The following SLC38A6 variants were observed in gnomAD, a reference collection of about 807,000 sequenced individuals.
SLC38A6 encodes N system amino acid transporter NAT-1.
SLC38A6 carries 73 observed loss-of-function variants against 65.0 expected under a neutral mutation model. The observed-to-expected ratio is 1.12, with a 90% CI of 0.93 to 1.37. The LOEUF is 1.37. Among genes scored for constraint, SLC38A6 ranks in the 40% most tolerant of loss-of-function variants. The pLI, the probability that SLC38A6 is intolerant of heterozygous loss-of-function variation, is 0.00. For missense variants in SLC38A6, 561 were observed against 531.1 expected (o/e 1.06, Z -0.55); for synonymous variants, 183 against 178.8 (o/e 1.02, Z -0.19).
intron 2 of SLC38A6, among the ~76,000 whole-genome samples, chr14:60,984,094 C>G (rs138569290): frequency 3.9e-4 from 60 of 152,294 alleles, no homozygotes; most frequent in African/African-American, 1.4e-3. Flanking sequence ...AGGAAATTAT[C>G]TAAGTTTTTT....
At chr14:60,990,693 C>T (rs925427387) in intron 3 of SLC38A6, among the ~76,000 whole-genome samples, 5 of 151,978 alleles carry the variant, frequency 3.3e-5, no homozygotes, top group South Asian at 2.1e-4. Context: ...AATGTAGTGG[C>T]GTGAACATAG....
intron 1 of SLC38A6, chr14:60,982,108 A>G (rs934542996): frequency 4.4e-6 from 2 of 457,566 alleles, no homozygotes; most frequent in Non-Finnish European, 8.8e-6. Flanking sequence ...AGTCCTAGTA[A>G]TTGAGGAGAA....
chr14:61,065,526 T>A (rs918443369), intron 15 of SLC38A6, among the ~76,000 whole-genome samples: 1 of 152,206 alleles, frequency 6.6e-6, no homozygotes, highest in East Asian at 1.9e-4. Flanking sequence ...CATCTACCTT[T>A]AAGAACTTTA....
At chr14:61,083,443 C>A (rs1938914226) in intron 16 of SLC38A6, 1 of 1,441,848 alleles carries the variant, frequency 6.9e-7, no homozygotes, top group African/African-American at 1.4e-5. Context: ...CCCCAATCCC[C>A]AGGACCTCAG....
intron 6 of SLC38A6, among the ~76,000 whole-genome samples, chr14:61,035,822 T>A (rs573534548): frequency 6.6e-6 from 1 of 152,316 alleles, no homozygotes; most frequent in South Asian, 2.1e-4. Flanking sequence ...TAACTTTAAC[T>A]TTTAAAAATG....
chr14:61,007,392 G>A (rs1339688849), intron 3 of SLC38A6, among the ~76,000 whole-genome samples: 1 of 152,110 alleles, frequency 6.6e-6, no homozygotes, highest in Non-Finnish European at 1.5e-5. Flanking sequence ...CACTTTGTGA[G>A]GCCAAGGTAG....
rs1179808705 is a variant in SLC38A6 at position 61,047,970 on chromosome 14, GATAGATACATACATACATACATAC to G, written c.925+1807_925+1830del. Among the ~76,000 whole-genome samples the G allele has an allele frequency of 6.9e-3, 982 of 141,650 alleles. 7 individuals carry two copies. Among genetic ancestry groups the G allele is most frequent in the South Asian group, 0.029 (126 of 4,330 alleles). 92.9% of individuals were successfully genotyped at this position (141,650 alleles called of 152,430 possible). ...AGATGATAGATTAGATAGATAGATA[GATAGATACATACATACATACATAC>G]ATACATACATACATACATACATACA... is the stretch of plus-strand genomic sequence containing the variant. On this transcript the variant is annotated intron_variant, in intron 12 of 15. Coordinates refer to ENST00000267488, the MANE Select transcript of SLC38A6 (RefSeq NM_153811.3).
intron 15 of SLC38A6, among the ~76,000 whole-genome samples, chr14:61,067,931 T>A (rs1952395): frequency 0.23 from 35,256 of 151,996 alleles, 4,553 homozygotes; most frequent in Middle Eastern, 0.3. Flanking sequence ...CAGATAAAAA[T>A]GTTAAATGAG....
rs758326657 is a variant in SLC38A6, at chr14:60,984,719, T to C, written c.237-11T>C. On this transcript the variant is annotated splice_polypyrimidine_tract_variant and intron_variant, in intron 2 of 15. Coordinates refer to ENST00000267488, the MANE Select transcript of SLC38A6 (RefSeq NM_153811.3). ...TGGGAGGTTTTGACCAGGTGTTCTT[T>C]TATGTTTTAGCTTCTTGCTGCTGAC... 3.7e-6 allele frequency: 6 copies of C among 1,613,770 alleles called. No individual in the cohort carries two copies. The Admixed American group carries it at 8.3e-5, about 22-fold the overall frequency.
At chr14:61,075,982 A>C (rs2043402659) in intron 15 of SLC38A6, among the ~76,000 whole-genome samples, 1 of 151,988 alleles carries the variant, frequency 6.6e-6, no homozygotes, top group African/African-American at 2.4e-5. Flanking sequence ...CAGCCTCCCA[A>C]GTAGCTGGGA....
intron 6 of SLC38A6, chr14:61,034,024 T>C (rs1392128576): frequency 6.6e-6 from 1 of 152,182 alleles, no homozygotes; most frequent in South Asian, 2.1e-4. Flanking sequence ...TACAGACATA[T>C]AAAATGAAGT....
intron 3 of SLC38A6, among the ~76,000 whole-genome samples, chr14:60,998,779 C>A (rs566620540): frequency 1.8e-4 from 28 of 152,308 alleles, no homozygotes; most frequent in Non-Finnish European, 3.2e-4. Flanking sequence ...CTACACCTGC[C>A]GGTCTGCGAG....
At chr14:61,015,822 G>A in intron 3 of SLC38A6, 82 bp from the exon 4 acceptor site, 1 of 1,054,338 alleles carries the variant, frequency 9.5e-7, no homozygotes, top group Non-Finnish European at 1.4e-6. Flanking sequence ...TATTTAGTTT[G>A]TAGTAGGACC....
At chr14:61,062,398 G>T (rs1367670923) in intron 15 of SLC38A6, among the ~76,000 whole-genome samples, 6 of 151,954 alleles carry the variant, frequency 3.9e-5, no homozygotes, top group Non-Finnish European at 8.8e-5. Flanking sequence ...GTTTTAGTTT[G>T]CAGTTCCCTA....
intron 3 of SLC38A6, among the ~76,000 whole-genome samples, chr14:61,006,059 G>C (rs1397939978): frequency 1.3e-5 from 2 of 152,108 alleles, no homozygotes; most frequent in African/African-American, 2.4e-5. Context: ...ACAAACCTGA[G>C]AAAAACAAGC....
chr14:61,083,719 T>A, downstream of SLC38A6: 2 of 1,546,896 alleles, frequency 1.3e-6, no homozygotes, highest in Non-Finnish European at 1.7e-6. Flanking sequence ...ATAAATGATG[T>A]TGTTTAATCA....
At chr14:60,999,732 A>C (rs2038570386) in intron 3 of SLC38A6, among the ~76,000 whole-genome samples, 1 of 152,240 alleles carries the variant, frequency 6.6e-6, no homozygotes, top group African/African-American at 2.4e-5. Context: ...GATGCAGGCA[A>C]CATGACCTCT....
At chr14:61,065,783 ATCTT>A (rs2139935834) in intron 15 of SLC38A6, among the ~76,000 whole-genome samples, 1 of 152,340 alleles carries the variant, frequency 6.6e-6, no homozygotes, top group African/African-American at 2.4e-5. Flanking sequence ...TGGAAGATCT[ATCTT>A]TAAGGTAAAC....
intron 3 of SLC38A6, among the ~76,000 whole-genome samples, chr14:60,986,150 A>C (rs1348193362): frequency 6.6e-6 from 1 of 152,252 alleles, no homozygotes; most frequent in Non-Finnish European, 1.5e-5. Flanking sequence ...AGTGAAGCCC[A>C]GTGATGTTTC....
Sources: allele counts gnomAD v4.1 joint callset (sites outside exome capture counted in the v4.1 genomes callset), GRCh38; gene constraint gnomAD v4.1.1; transcripts MANE v1.5; gene names NCBI Gene and HGNC (gene_info 2026-07-23, HGNC 2026-07-21).